Variants in TRAF2 observed in about 807,000 individuals in gnomAD.
The protein encoded by TRAF2 is TNF receptor associated factor 2.
Under a neutral mutation model 55.6 loss-of-function variants are expected in TRAF2, and 6 were observed. That is an observed-to-expected ratio of 0.11 (90% confidence interval 0.06 to 0.21). The LOEUF (loss-of-function observed/expected upper bound fraction) is 0.21. Ranked by LOEUF, TRAF2 falls within the 10% of genes least tolerant of loss-of-function variation. TRAF2 has a pLI of 1.00. For synonymous variants in TRAF2, 329 were observed against 276.3 expected (o/e 1.19, Z -1.89); for missense variants, 561 against 684.5 (o/e 0.82, Z 2.01).
intron 7 of TRAF2, among the ~76,000 whole-genome samples, chr9:136,916,942 C>T (rs1369042078): frequency 2.0e-5 from 3 of 152,182 alleles, no homozygotes; most frequent in Admixed American, 2.0e-4. Context: ...GCCACGACCA[C>T]TCCTTGGCCG....
At chr9:136,882,415 G>C (rs961135395), upstream of TRAF2, among the ~76,000 whole-genome samples, 4 of 152,362 alleles carry the variant, frequency 2.6e-5, no homozygotes, top group Admixed American at 2.0e-4. Context: ...ATCCACGGCA[G>C]CATCTGCTGT....
rs753016580 is a variant in TRAF2, at chr9:136,920,261, G to A, written c.706G>A (p.Glu236Lys). 1.9e-6 allele frequency: 3 copies of A among 1,612,526 alleles called. No individual in the cohort carries two copies. The highest frequency in any genetic ancestry group is 2.5e-6 in the Non-Finnish European group (3 of 1,179,444). ...TVEGEKQQEH[E>K]VQWLREHLAM... ...AGAGGGTGAGAAACAGCAGGAGCACGAGGTGCAGTGGCTGCGGGAGCACCT... is the reference window on the plus strand; with the variant it reads ...AGAGGGTGAGAAACAGCAGGAGCACAAGGTGCAGTGGCTGCGGGAGCACCT... The change falls in exon 8 of 11, where the codon GAG (glutamate) becomes AAG (lysine). Residue 236 changes from glutamate (E) to lysine (K), a missense_variant. Physicochemically the swap from Glu to Lys is moderately conservative, Grantham distance 56. Coordinates refer to ENST00000247668, the MANE Select transcript of TRAF2 (RefSeq NM_021138.4).
chr9:136,897,807 C>T (rs1588423450), intron 1 of TRAF2, among the ~76,000 whole-genome samples: 2 of 126,384 alleles, frequency 1.6e-5, no homozygotes, highest in African/African-American at 6.2e-5. Flanking sequence ...ACGTTCCGCT[C>T]TCGGGGCTGG....
At chr9:136,886,968 T>C (rs1007466721) in intron 1 of TRAF2, among the ~76,000 whole-genome samples, 2 of 152,014 alleles carry the variant, frequency 1.3e-5, no homozygotes, top group African/African-American at 4.8e-5. Flanking sequence ...CCCCGCACCC[T>C]CAGCCGGCTG....
intron 6 of TRAF2, among the ~76,000 whole-genome samples, chr9:136,911,040 C>T (rs1171272918): frequency 2.6e-5 from 4 of 152,320 alleles, no homozygotes; most frequent in African/African-American, 2.4e-5. Flanking sequence ...GAGGTGCCCC[C>T]GAGAGGTGCC....
chr9:136,915,648 C>T (rs975142886), intron 6 of TRAF2, among the ~76,000 whole-genome samples: 23 of 151,974 alleles, frequency 1.5e-4, no homozygotes, highest in Non-Finnish European at 4.4e-5. Flanking sequence ...GTTTCAGGGA[C>T]CCTGAGACCA....
At chr9:136,886,832 C>T (rs1849462839) in intron 1 of TRAF2, 2 of 160,382 alleles carry the variant, frequency 1.2e-5, no homozygotes, top group Non-Finnish European at 2.6e-5. Flanking sequence ...TGCGCGGGGT[C>T]GCGGCTCCCA....
chr9:136,891,368 A>G (rs1174952682), intron 1 of TRAF2, among the ~76,000 whole-genome samples: 1 of 152,028 alleles, frequency 6.6e-6, no homozygotes, highest in Non-Finnish European at 1.5e-5. Context: ...TCGGCCTCCC[A>G]AAGTGCTGGG....
chr9:136,916,399 T>TC, intron 6 of TRAF2, 142 bp from the exon 7 acceptor site: 1 of 752,074 alleles, frequency 1.3e-6, no homozygotes, highest in Non-Finnish European at 2.3e-6. Context: ...GGAAATGGGC[T>TC]GTTGGGTTTC....
At chr9:136,910,048 C>CGT in intron 6 of TRAF2, 54 bp downstream of exon 6, 2 of 1,375,336 alleles carry the variant, frequency 1.5e-6, no homozygotes, top group African/African-American at 1.4e-5. Context: ...ATGTGTTGGA[C>CGT]GTGAGGGTCC....
In TRAF2 at chr9:136,894,382, T is replaced by C. The variant is rs377551279; in HGVS notation, c.-28-4331T>C. ...TTTTCAGGGGTTTACAGGTAAACTT[T>C]CCTTCCACTTTTTGAGATCTGGGGA... On this transcript the variant is annotated intron_variant, in intron 1 of 10. Coordinates refer to ENST00000247668, the MANE Select transcript of TRAF2 (RefSeq NM_021138.4). 4.6e-5 allele frequency among the ~76,000 whole-genome samples: 7 copies of C among 151,708 alleles called. No homozygotes were observed. In the East Asian group the frequency reaches 9.7e-4, roughly 21 times the overall value.
chr9:136,909,851 T>C (rs1233696056), intron 5 of TRAF2, 69 bp from the exon 6 acceptor site: 3 of 1,536,960 alleles, frequency 2.0e-6, no homozygotes, highest in Middle Eastern at 1.7e-4. Flanking sequence ...GCCTGAGCAC[T>C]GTGTGCCGCC....
rs778883357 is a variant in TRAF2, at chr9:136,925,931, G to A, written c.*30G>A. 4 of 1,612,274 alleles carry A rather than the reference G, an allele frequency of 2.5e-6. No homozygotes were observed. In the East Asian group the frequency reaches 6.7e-5, roughly 27 times the overall value. On this transcript the variant is annotated 3_prime_UTR_variant, in exon 11 of 11. Coordinates refer to ENST00000247668, the MANE Select transcript of TRAF2 (RefSeq NM_021138.4). The stretch of plus-strand genomic sequence containing the variant: ...CCCCTACTGGTGTCTGGGGGTTGGG[G>A]GCAGCCAGGCACAGCCGGCTCACGG...
intron 2 of TRAF2, 24 bp downstream of exon 2, chr9:136,898,952 A>G: frequency 1.3e-6 from 2 of 1,576,448 alleles, no homozygotes; most frequent in South Asian, 1.1e-5. Flanking sequence ...GCAGGCTGGG[A>G]GGAGGGGCAG....
chr9:136,913,597 A>G (rs550880099), intron 6 of TRAF2, among the ~76,000 whole-genome samples: 10 of 152,180 alleles, frequency 6.6e-5, no homozygotes, highest in East Asian at 1.9e-4. Flanking sequence ...GTGCCCGGCT[A>G]CATACTATGT....
At chr9:136,899,040 C>G (rs1350889383) in intron 2 of TRAF2, 112 bp downstream of exon 2, 3 of 1,040,382 alleles carry the variant, frequency 2.9e-6, no homozygotes, top group African/African-American at 3.2e-5. Flanking sequence ...TAGATGTGCT[C>G]CAGTTATCGA....
At chr9:136,891,361 G>A (rs943721526) in intron 1 of TRAF2, among the ~76,000 whole-genome samples, 1 of 152,052 alleles carries the variant, frequency 6.6e-6, no homozygotes, top group Non-Finnish European at 1.5e-5. Context: ...GCCCGCCTCG[G>A]CCTCCCAAAG....
intron 6 of TRAF2, among the ~76,000 whole-genome samples, chr9:136,910,649 A>G (rs577162459): frequency 2.0e-5 from 3 of 152,286 alleles, no homozygotes; most frequent in East Asian, 1.9e-4. Context: ...CAGAGGTCCA[A>G]TGTGGAGGCC....
chr9:136,923,567 C>T (rs949642950), intron 9 of TRAF2, among the ~76,000 whole-genome samples: 2 of 127,796 alleles, frequency 1.6e-5, no homozygotes, highest in Non-Finnish European at 3.1e-5. Context: ...GCTGAGATTG[C>T]GCCACTGCAC....
Sources: allele counts gnomAD v4.1 joint callset (sites outside exome capture counted in the v4.1 genomes callset), GRCh38; gene constraint gnomAD v4.1.1; transcripts MANE v1.5; gene names NCBI Gene and HGNC (gene_info 2026-07-23, HGNC 2026-07-21).